Variants in AGAP1 observed in about 807,000 individuals in gnomAD.
The protein encoded by AGAP1 is arf-GAP with GTPase, ANK repeat and PH domain-containing protein 1.
AGAP1 carries 29 observed loss-of-function variants against 105.3 expected under a neutral mutation model. The ratio of observed to expected loss-of-function variants is 0.28; its 90% CI spans 0.21 to 0.38. The LOEUF (loss-of-function observed/expected upper bound fraction) is 0.38. AGAP1 is among the 10% of genes least tolerant of loss of function. The probability of loss-of-function intolerance (pLI) is 1.00; values close to 1 mark genes in which losing one functional copy is unlikely to be tolerated. For missense variants in AGAP1, 998 were observed against 1,165.1 expected (o/e 0.86, Z 2.09); for synonymous variants, 509 against 485.9 (o/e 1.05, Z -0.63).
intron 9 of AGAP1, among the ~76,000 whole-genome samples, chr2:235,816,140 A>T (rs891643743): frequency 2.0e-5 from 3 of 152,190 alleles, no homozygotes; most frequent in Non-Finnish European, 2.9e-5. Flanking sequence ...TCACTTCATT[A>T]CTGAAAGAAA....
intron 9 of AGAP1, among the ~76,000 whole-genome samples, chr2:235,819,173 G>A (rs1958637370): frequency 6.6e-6 from 1 of 150,902 alleles, no homozygotes; most frequent in Non-Finnish European, 1.5e-5. Flanking sequence ...AAATAAAATG[G>A]TGCAATATCT....
At chr2:235,980,135 A>G (rs917083232) in intron 13 of AGAP1, among the ~76,000 whole-genome samples, 1 of 152,206 alleles carries the variant, frequency 6.6e-6, no homozygotes, top group Non-Finnish European at 1.5e-5. Context: ...CGTGTAATCA[A>G]GTGGCGCTGA....
chr2:235,836,629 C>A (rs944236561), intron 9 of AGAP1, among the ~76,000 whole-genome samples: 1 of 152,212 alleles, frequency 6.6e-6, no homozygotes, highest in Admixed American at 6.5e-5. Context: ...AGATTTCAAA[C>A]CGTGTTGATC....
intron 9 of AGAP1, among the ~76,000 whole-genome samples, chr2:235,873,453 G>A (rs1350413854): frequency 6.6e-6 from 1 of 152,100 alleles, no homozygotes; most frequent in African/African-American, 2.4e-5. Context: ...TATTTAAGGA[G>A]AGACAATAGA....
chr2:235,684,987 G>C (rs1949301151), intron 1 of AGAP1, among the ~76,000 whole-genome samples: 1 of 152,148 alleles, frequency 6.6e-6, no homozygotes, highest in East Asian at 1.9e-4. Flanking sequence ...TGTGCTCCAG[G>C]TGTGGCTGGT....
intron 1 of AGAP1, among the ~76,000 whole-genome samples, chr2:235,527,132 A>C (rs1237072930): frequency 6.6e-6 from 1 of 152,162 alleles, no homozygotes; most frequent in Admixed American, 6.5e-5. Flanking sequence ...AAAGGATGGG[A>C]TATTGGAAAA....
At chr2:236,111,474 C>A (rs952230337) in intron 16 of AGAP1, among the ~76,000 whole-genome samples, 1 of 149,804 alleles carries the variant, frequency 6.7e-6, no homozygotes, top group Non-Finnish European at 1.5e-5. Context: ...CCAGCCTGGG[C>A]AGTATAGCAA....
chr2:235,643,554 T>A (rs1237974779), intron 1 of AGAP1, among the ~76,000 whole-genome samples: 2 of 149,746 alleles, frequency 1.3e-5, no homozygotes, highest in Non-Finnish European at 3.0e-5. Flanking sequence ...ACTGGGGAAA[T>A]GGAAAAAACT....
Position 235,557,572 on chromosome 2 carries a change from G to C in AGAP1, c.163+62723G>C, listed in dbSNP as rs1467204083. Among the ~76,000 whole-genome samples the C allele has an allele frequency of 1.3e-5, 2 of 151,958 alleles. No individual in the cohort carries two copies. The highest frequency in any genetic ancestry group is 4.8e-5 in the African/African-American group (2 of 41,370). Reference sequence around the variant, plus strand: ...TGAACATTTATTGGCCTTTTTTTCTGTGCCAATAACTCTCAGTGCTTAACC... The same window carrying C: ...TGAACATTTATTGGCCTTTTTTTCTCTGCCAATAACTCTCAGTGCTTAACC... On this transcript the variant is annotated intron_variant, in intron 1 of 17. Coordinates refer to ENST00000304032, the MANE Select transcript of AGAP1 (RefSeq NM_001037131.3). The surrounding 1 kb of genome is among the most constrained non-coding windows in gnomAD (Gnocchi z 4.7).
chr2:235,943,660 T>C (rs2053365896), intron 12 of AGAP1, among the ~76,000 whole-genome samples: 1 of 152,028 alleles, frequency 6.6e-6, no homozygotes, highest in Non-Finnish European at 1.5e-5. Context: ...ACTTAAAATT[T>C]TGGGGGGTAT....
At chr2:235,851,063 C>G (rs12998378) in intron 9 of AGAP1, among the ~76,000 whole-genome samples, 69,518 of 152,174 alleles carry the variant, frequency 0.46, 18,824 homozygotes, top group East Asian at 0.79. Flanking sequence ...AGGACTCTCC[C>G]ACAGGAAGGG....
rs1000380364 is a variant in AGAP1, at chr2:235,874,009, G to A, written c.1051-9336G>A. On this transcript the variant is annotated intron_variant, in intron 9 of 17. Transcript: ENST00000304032. The surrounding 1 kb of genome is among the most constrained non-coding windows in gnomAD (Gnocchi z 4.5). ...CTCCCAAAGTGCTGGGGTCACAGGC[G>A]TGAGCCATCACGCCCAGCCCAGAAC... 2.0e-5 allele frequency among the ~76,000 whole-genome samples: 3 copies of A among 152,082 alleles called. No individual in the cohort carries two copies. The highest frequency in any genetic ancestry group is 6.6e-5 in the Admixed American group (1 of 15,264).
intron 13 of AGAP1, among the ~76,000 whole-genome samples, chr2:235,980,539 A>G (rs573248964): frequency 5.3e-4 from 80 of 152,314 alleles, no homozygotes; most frequent in African/African-American, 1.9e-3. Context: ...CGCTGAGCAC[A>G]CATGTTGAGC....
rs1195554613 is a variant in AGAP1 at position 235,801,594 on chromosome 2, G to C, written c.957+2072G>C. Among the ~76,000 whole-genome samples the C allele has an allele frequency of 2.6e-5, 4 of 152,046 alleles. No homozygotes were observed. The highest frequency in any genetic ancestry group is 3.4e-3 in the Middle Eastern group (1 of 294). On this transcript the variant is annotated intron_variant, in intron 8 of 17. Coordinates refer to ENST00000304032, the MANE Select transcript of AGAP1 (RefSeq NM_001037131.3). This position sits in a 1 kb window ranked among gnomAD's most constrained non-coding sequence, Gnocchi z 6.0. ...TGGAGCAGCCCCTGTCTACCCCCAGGCTGGGGGGCTTTGGGTTGAAGTGTT... is the reference window on the plus strand; with the variant it reads ...TGGAGCAGCCCCTGTCTACCCCCAGCCTGGGGGGCTTTGGGTTGAAGTGTT...
chr2:235,808,667 A>G (rs954700477), intron 9 of AGAP1, among the ~76,000 whole-genome samples: 2 of 152,198 alleles, frequency 1.3e-5, no homozygotes, highest in Non-Finnish European at 2.9e-5. Context: ...TTTGCCAGGC[A>G]GAGAAGAAGG....
intron 1 of AGAP1, among the ~76,000 whole-genome samples, chr2:235,521,682 A>G (rs1942618579): frequency 6.6e-6 from 1 of 151,332 alleles, no homozygotes; most frequent in Non-Finnish European, 1.5e-5. Context: ...ATTTATTAAC[A>G]GGTCTCTTAT....
At position 235,789,143 on chromosome 2, in the gene AGAP1, T is replaced by C. The variant is rs1466605205; in HGVS notation, c.674-8616T>C. ...ATAACTACTTTATACCAGAATTGGATACACATATTAAAAATGTCAAATACA... is the reference window on the plus strand; with the variant it reads ...ATAACTACTTTATACCAGAATTGGACACACATATTAAAAATGTCAAATACA... On this transcript the variant is annotated intron_variant, in intron 6 of 17. Transcript: ENST00000304032. The surrounding 1 kb of genome is among the most constrained non-coding windows in gnomAD (Gnocchi z 4.2). Among the ~76,000 whole-genome samples, 1 of 152,254 alleles carries C rather than the reference T, an allele frequency of 6.6e-6. No individual in the cohort carries two copies. Among genetic ancestry groups the C allele is most frequent in the Non-Finnish European group, 1.5e-5 (1 of 68,048 alleles).
At chr2:235,764,635 C>T (rs1486855837) in intron 6 of AGAP1, among the ~76,000 whole-genome samples, 1 of 152,224 alleles carries the variant, frequency 6.6e-6, no homozygotes, top group Non-Finnish European at 1.5e-5. Flanking sequence ...TGCATGTTCC[C>T]ACCCCTGATG....
chr2:235,968,794 A>G (rs2054518046), intron 13 of AGAP1, among the ~76,000 whole-genome samples, 171 bp downstream of exon 13: 1 of 152,138 alleles, frequency 6.6e-6, no homozygotes. Flanking sequence ...GGACCTTTTC[A>G]TCACTGTCTG....
Sources: gnomAD v4.1 joint callset for allele counts (sites outside exome capture counted in the v4.1 genomes callset) on GRCh38, gnomAD v4.1.1 for gene constraint, Gnocchi (gnomAD v3.1) non-coding constraint, MANE v1.5 for transcripts, NCBI Gene and HGNC (gene_info 2026-07-23, HGNC 2026-07-21) for gene names.